Variants in CLVS1 observed in about 807,000 individuals in gnomAD.
CLVS1 encodes the protein clavesin 1, also known as clavesin-1.
A neutral mutation model predicts 33.1 loss-of-function variants in CLVS1; 10 were observed. The ratio of observed to expected loss-of-function variants is 0.30; its 90% CI spans 0.19 to 0.51. The LOEUF (loss-of-function observed/expected upper bound fraction) is 0.51. Among genes scored for constraint, CLVS1 ranks in the 20% least tolerant of loss-of-function variants. The pLI is 0.97. For synonymous variants in CLVS1, 163 were observed against 166.1 expected, an observed-to-expected ratio of 0.98 and a Z score of 0.14; for missense variants, 343 against 433.4, an observed-to-expected ratio of 0.79 and a Z score of 1.85.
At chr8:61,476,766 T>G (rs916782381) in intron 5 of CLVS1, among the ~76,000 whole-genome samples, 1 of 152,178 alleles carries the variant, frequency 6.6e-6, no homozygotes, top group Non-Finnish European at 1.5e-5. Context: ...GACTTCTTCT[T>G]TTCCTAATTG....
At chr8:61,225,787 G>A (rs1331505238) in intron 2 of CLVS1, among the ~76,000 whole-genome samples, 1 of 152,202 alleles carries the variant, frequency 6.6e-6, no homozygotes, top group East Asian at 1.9e-4. Context: ...TACCTGGACA[G>A]TACCACCCAG....
intron 2 of CLVS1, among the ~76,000 whole-genome samples, chr8:61,253,093 G>A (rs2129591779): frequency 6.6e-6 from 1 of 152,246 alleles, no homozygotes; most frequent in East Asian, 1.9e-4. Context: ...GCTTCCTTCA[G>A]GAGCTCTTTT....
chr8:61,498,141 G>A (rs1333919935), intron 5 of CLVS1, among the ~76,000 whole-genome samples: 4 of 152,168 alleles, frequency 2.6e-5, no homozygotes, highest in Admixed American at 2.6e-4. Flanking sequence ...CCCTATTTAA[G>A]ATGGAGTTGC....
rs563402697 is a variant in CLVS1 at position 61,215,059 on chromosome 8, TA to T, written c.-152+83200del. ...ATTTAGCTTTTCAAGTGCCTTTTAT[TA>T]TTTTTTTAAAGAAATTTGTACAGCA... On this transcript the variant is annotated intron_variant, in intron 2 of 2. Transcript: ENST00000522621. Among the ~76,000 whole-genome samples, 569 of 152,314 alleles carry T rather than the reference TA, an allele frequency of 3.7e-3. 5 individuals carry two copies. Among genetic ancestry groups the T allele is most frequent in the African/African-American group, 0.013 (522 of 41,576 alleles).
Position 61,376,542 on chromosome 8 carries a change from G to A in CLVS1, c.456-63G>A, listed in dbSNP as rs75984684. ...GTGGCATGCGGAGGCCAGCACTGTT[G>A]CACGCAACATGCTATCACCTGCTCA... On this transcript the variant is annotated intron_variant, in intron 2 of 5. Transcript: ENST00000325897. 1,514 of 1,516,766 alleles carry A rather than the reference G, an allele frequency of 1.0e-3. 11 individuals are homozygous for A. In the African/African-American group the frequency reaches 0.018, roughly 18 times the overall value. The allele number at this position is 1,516,766 out of a possible 1,614,324, so 94.0% of individuals were successfully genotyped here. A position where few individuals can be genotyped will look rare whatever the true frequency, so the allele number is the denominator to read the frequency against.
intron 1 of CLVS1, chr8:61,288,358 C>T (rs552407759): frequency 6.9e-6 from 3 of 433,888 alleles, no homozygotes; most frequent in Admixed American, 4.9e-5. Context: ...CCCCCTTACA[C>T]ATCAGCACCC....
At chr8:61,138,976 A>C (rs551647458) in intron 2 of CLVS1, among the ~76,000 whole-genome samples, 1 of 152,376 alleles carries the variant, frequency 6.6e-6, no homozygotes, top group Non-Finnish European at 1.5e-5. Context: ...CGTCCGCGAC[A>C]ATGGCTTCTC....
At chr8:61,073,416 A>G (rs1804838088) in intron 1 of CLVS1, among the ~76,000 whole-genome samples, 1 of 152,182 alleles carries the variant, frequency 6.6e-6, no homozygotes, top group African/African-American at 2.4e-5. Flanking sequence ...GCATGGAGAT[A>G]TGTTGTCATG....
At chr8:60,975,656 G>C in the CLVS1 span, among the ~76,000 whole-genome samples, 2 of 152,180 alleles carry the variant, frequency 1.3e-5, no homozygotes, top group Non-Finnish European at 2.9e-5. Flanking sequence ...CTCTAAAACT[G>C]TGAGAACATA....
intron 3 of CLVS1, among the ~76,000 whole-genome samples, chr8:61,402,087 C>G (rs1013976812): frequency 1.3e-5 from 2 of 152,006 alleles, no homozygotes; most frequent in African/African-American, 2.4e-5. Context: ...GATGGACAGA[C>G]AGATGGATGA....
At chr8:61,277,849 G>A (rs370867601) in intron 2 of CLVS1, among the ~76,000 whole-genome samples, 2 of 152,050 alleles carry the variant, frequency 1.3e-5, no homozygotes, top group Middle Eastern at 3.4e-3. Flanking sequence ...TATCATCTTC[G>A]ACAAAGAACA....
intron 2 of CLVS1, among the ~76,000 whole-genome samples, chr8:61,161,353 C>T (rs988811112): frequency 1.3e-5 from 2 of 152,204 alleles, no homozygotes; most frequent in African/African-American, 4.8e-5. Flanking sequence ...TGTAAAGAGA[C>T]ATCTGCACTC....
At chr8:61,224,365 G>A (rs1207609266) in intron 2 of CLVS1, among the ~76,000 whole-genome samples, 1 of 152,094 alleles carries the variant, frequency 6.6e-6, no homozygotes, top group Admixed American at 6.6e-5. Flanking sequence ...AGGGCCTTTT[G>A]TTGTTGTTGA....
At chr8:61,129,017 C>T (rs1420407795) in intron 1 of CLVS1, among the ~76,000 whole-genome samples, 2 of 152,156 alleles carry the variant, frequency 1.3e-5, no homozygotes, top group Non-Finnish European at 1.5e-5. Context: ...GATACTGTTC[C>T]AGCATGGTGT....
intron 5 of CLVS1, among the ~76,000 whole-genome samples, chr8:61,472,962 A>G (rs1272982176): frequency 6.6e-6 from 1 of 152,128 alleles, no homozygotes; most frequent in Admixed American, 6.5e-5. Context: ...GTGGTCTATG[A>G]AGGGGGACAG....
chr8:61,008,648 G>C, the CLVS1 span, among the ~76,000 whole-genome samples: 1 of 152,040 alleles, frequency 6.6e-6, no homozygotes, highest in African/African-American at 2.4e-5. Flanking sequence ...TCACTTTTAA[G>C]AGGAGGAGAG....
intron 1 of CLVS1, among the ~76,000 whole-genome samples, chr8:61,298,508 A>G (rs1044899686): frequency 4.1e-4 from 62 of 152,140 alleles, no homozygotes; most frequent in African/African-American, 1.4e-3. Context: ...TGTCTCTCTT[A>G]AGAAATTACT....
At chr8:61,195,526 C>T (rs927914901) in intron 2 of CLVS1, among the ~76,000 whole-genome samples, 3 of 151,138 alleles carry the variant, frequency 2.0e-5, no homozygotes, top group Admixed American at 2.0e-4. Context: ...TGTGCTTATT[C>T]AAAAGGAAAG....
At chr8:61,230,725 T>C (rs1271159684) in intron 2 of CLVS1, among the ~76,000 whole-genome samples, 2 of 152,348 alleles carry the variant, frequency 1.3e-5, no homozygotes, top group East Asian at 3.9e-4. Context: ...GCATGTGTCT[T>C]GTTCTATTTG....
Sources: allele counts gnomAD v4.1 joint callset (sites outside exome capture counted in the v4.1 genomes callset), GRCh38; gene constraint gnomAD v4.1.1; transcripts MANE v1.5; gene names NCBI Gene and HGNC (gene_info 2026-07-23, HGNC 2026-07-21).